AGO1: variants seen among roughly 807,000 people sequenced by gnomAD.
The protein encoded by AGO1 is protein argonaute-1.
Under a neutral mutation model 109.2 loss-of-function variants are expected in AGO1, and 11 were observed. That is an observed-to-expected ratio of 0.10 (90% CI 0.06 to 0.17). The LOEUF is 0.17. AGO1 is among the 10% of genes least tolerant of loss of function. The pLI, the probability that AGO1 is intolerant of heterozygous loss-of-function variation, is 1.00. For synonymous variants in AGO1, 422 were observed against 418.6 expected (o/e 1.01, Z -0.10); for missense variants, 574 against 1,140.3 (o/e 0.50, Z 7.15).
intron 1 of AGO1, among the ~76,000 whole-genome samples, chr1:35,887,227 G>C (rs1349274789): frequency 6.6e-6 from 1 of 152,054 alleles, no homozygotes; most frequent in Non-Finnish European, 1.5e-5. Flanking sequence ...ACCTCTTCCT[G>C]ACCCCCAGCT....
chr1:35,918,176 A>G, intron 16 of AGO1, 146 bp from the exon 17 acceptor site: 3 of 708,488 alleles, frequency 4.2e-6, no homozygotes, highest in East Asian at 2.5e-5. Flanking sequence ...CTTTAGAAGC[A>G]TATTATTTTA....
In AGO1 at chr1:35,902,311, A is replaced by G. The variant is rs919044941; in HGVS notation, c.1371A>G (p.Gln457=). Residue 457 remains glutamine, a synonymous_variant, in exon 11 of 19, where the codon CAA becomes CAG. Transcript: ENST00000373204. ...KVWAIACFAP[Q]KQCREEVLKN... ...GGGCCATCGCCTGCTTCGCACCCCA[A>G]AAACAGTGTCGAGAAGAGGTGCTCA... 1.2e-6 allele frequency: 2 copies of G among 1,614,114 alleles called. No individual in the cohort carries two copies. The highest frequency in any genetic ancestry group is 1.7e-6 in the Non-Finnish European group (2 of 1,180,020).
At position 35,901,833 on chromosome 1, in the gene AGO1, A is replaced by G; in HGVS notation, c.1141-115A>G. ...CATCTTCCACTTTCTCTCTCTTTTT[A>G]GGACTATTCCGTACCAACCCCAGCT... is the stretch of plus-strand genomic sequence containing the variant. On this transcript the variant is annotated intron_variant, in intron 9 of 18. Transcript: ENST00000373204. This position sits in a 1 kb window ranked among gnomAD's most constrained non-coding sequence, Gnocchi z 4.8. 7.0e-7 allele frequency: 1 copy of G among 1,432,304 alleles called. No individual in the cohort carries two copies. The highest frequency in any genetic ancestry group is 9.4e-7 in the Non-Finnish European group (1 of 1,059,048). 88.7% of individuals were successfully genotyped at this position (1,432,304 alleles called of 1,614,324 possible).
At chr1:35,903,409 C>T (rs954880165) in intron 11 of AGO1, among the ~76,000 whole-genome samples, 2 of 151,664 alleles carry the variant, frequency 1.3e-5, no homozygotes, top group African/African-American at 4.9e-5. Context: ...TGCCATCTTT[C>T]GAAGTGGTTG....
chr1:35,874,488 CTA>C (rs528308746), intron 1 of AGO1, among the ~76,000 whole-genome samples: 280 of 152,218 alleles, frequency 1.8e-3, no homozygotes, highest in African/African-American at 5.8e-3. Context: ...TATGTGTATT[CTA>C]AATGCTCCAT....
rs1008657978 is a variant in AGO1, at chr1:35,923,515, T to C, written c.*3908T>C. ...CATTGGGGGACGTTATTTTTATTTA[T>C]ATATGGGGCCTAGGCCAATCCAGGA... On this transcript the variant is annotated 3_prime_UTR_variant, in exon 19 of 19. Coordinates refer to ENST00000373204, the MANE Select transcript of AGO1 (RefSeq NM_012199.5). 1 of 152,684 alleles carries C rather than the reference T, an allele frequency of 6.5e-6. No individual in the cohort carries two copies. The highest frequency in any genetic ancestry group is 1.5e-5 in the Non-Finnish European group (1 of 68,040). The allele number at this position is 152,684 out of a possible 1,614,324, so 9.5% of individuals were successfully genotyped here.
Position 35,888,364 on chromosome 1 carries a change from C to A in AGO1, c.26-63C>A. On this transcript the variant is annotated intron_variant, in intron 1 of 18. Coordinates refer to ENST00000373204, the MANE Select transcript of AGO1 (RefSeq NM_012199.5). This position sits in a 1 kb window ranked among gnomAD's most constrained non-coding sequence, Gnocchi z 4.1. ...TCCTGTTCTGGGAGGCCTTGTTCCTCCTCTGATAAGAGTAGTTAGGAGATT... is the reference window on the plus strand; with the variant it reads ...TCCTGTTCTGGGAGGCCTTGTTCCTACTCTGATAAGAGTAGTTAGGAGATT... The A allele has an allele frequency of 6.4e-7, 1 of 1,555,648 alleles. No individual in the cohort carries two copies. The highest frequency in any genetic ancestry group is 8.8e-7 in the Non-Finnish European group (1 of 1,140,096).
chr1:35,915,504 T>A lies in AGO1; in HGVS notation c.1990T>A (p.Phe664Ile), dbSNP rs750985823. 1.2e-5 allele frequency: 20 copies of A among 1,614,014 alleles called. No homozygotes were observed. The South Asian group carries it at 1.6e-4, about 13-fold the overall frequency. The change falls in exon 15 of 19, where the codon TTC becomes ATC. Residue 664 changes from phenylalanine to isoleucine, a missense_variant. By Grantham distance (21) the Phe-to-Ile change is conservative. Transcript: ENST00000373204. Reference protein sequence around the residue: ...STRFKPTRIIFYRDGVPEGQL... With the variant: ...STRFKPTRIIIYRDGVPEGQL... ...CCGTTTCAAGCCTACCCGCATCATC[T>A]TCTACCGAGATGGGGTGCCTGAAGG...
chr1:35,888,515 C>T lies in AGO1; in HGVS notation c.114C>T (p.Leu38=), dbSNP rs1418697160. ...GCACTGTGGGGAAACCAATCAAGCTCCTGGCCAATTACTTTGAGGTGGACA... is the reference window on the plus strand; with the variant it reads ...GCACTGTGGGGAAACCAATCAAGCTTCTGGCCAATTACTTTGAGGTGGACA... ...GIGTVGKPIK[L]LANYFEVDIP... The change falls in exon 2 of 19, where the codon CTC becomes CTT. Residue 38 remains leucine (L), a synonymous_variant. Coordinates refer to ENST00000373204, the MANE Select transcript of AGO1 (RefSeq NM_012199.5). This position sits in a 1 kb window ranked among gnomAD's most constrained non-coding sequence, Gnocchi z 4.1. 4 of 1,614,248 alleles carry T rather than the reference C, an allele frequency of 2.5e-6. No individual in the cohort carries two copies. The African/African-American group carries it at 4.0e-5, about 16-fold the overall frequency.
chr1:35,897,956 G>A (rs1020171960), intron 8 of AGO1, among the ~76,000 whole-genome samples: 2 of 152,096 alleles, frequency 1.3e-5, no homozygotes, highest in African/African-American at 4.8e-5. Context: ...TTTACTTTCA[G>A]TCTCTGGGTA....
At chr1:35,880,186 G>A (rs1388851196), upstream of AGO1, among the ~76,000 whole-genome samples, 1 of 152,086 alleles carries the variant, frequency 6.6e-6, no homozygotes, top group Admixed American at 6.6e-5. Flanking sequence ...TGTTTTTAAG[G>A]AACTTAGATG....
In AGO1 at chr1:35,902,260, C is replaced by G. The variant is rs1369633288; in HGVS notation, c.1320C>G (p.Phe440Leu). ...TCTGGGACATGCGGGGGAAACAGTT[C>G]TACAATGGGATTGAGATCAAAGTCT... ...QGVWDMRGKQ[F>L]YNGIEIKVWA... Residue 440 changes from phenylalanine (F) to leucine (L), a missense_variant, in exon 11 of 19, where the codon TTC becomes TTG. Physicochemically the swap from Phe to Leu is conservative, Grantham distance 22 (BLOSUM62 0). Around this residue, in one of 8 missense-constraint regions of AGO1, gnomAD observed 106 missense variants for 147.8 expected, o/e 0.72. Transcript: ENST00000373204. 1.2e-6 allele frequency: 2 copies of G among 1,614,042 alleles called. No individual in the cohort carries two copies. Among genetic ancestry groups the G allele is most frequent in the Non-Finnish European group, 1.7e-6 (2 of 1,180,032 alleles).
At chr1:35,878,770 T>C (rs1053474226), upstream of AGO1, among the ~76,000 whole-genome samples, 1 of 152,254 alleles carries the variant, frequency 6.6e-6, no homozygotes, top group Non-Finnish European at 1.5e-5. Context: ...GAATTGGATA[T>C]TTTATCATAA....
intron 8 of AGO1, among the ~76,000 whole-genome samples, chr1:35,899,487 C>T (rs1163878644): frequency 1.3e-5 from 2 of 152,162 alleles, no homozygotes; most frequent in African/African-American, 4.8e-5. Flanking sequence ...TTCCCACTGG[C>T]GTTGTACAAG....
chr1:35,919,009 A>G lies in AGO1; in HGVS notation c.2266-46A>G. ...TGATCCTGTTCCCCTATTATCAGCC[A>G]TCTTCTCTGCCCAGCCTGGGACCCC... On this transcript the variant is annotated intron_variant, in intron 17 of 18. Coordinates refer to ENST00000373204, the MANE Select transcript of AGO1 (RefSeq NM_012199.5). The surrounding 1 kb of genome is among the most constrained non-coding windows in gnomAD (Gnocchi z 6.6). 6.4e-7 allele frequency: 1 copy of G among 1,563,014 alleles called. No individual in the cohort carries two copies. Among genetic ancestry groups the G allele is most frequent in the South Asian group, 1.1e-5 (1 of 89,456 alleles).
rs1255461870 is a variant in AGO1, at chr1:35,894,186, G to A, written c.784+15G>A. On this transcript the variant is annotated intron_variant, in intron 6 of 18. Transcript: ENST00000373204. ...GGAGATCAAGGGTGAGGACCCAACA[G>A]GAGGGGAAGGGAAACAGCGCCACTT... The A allele has an allele frequency of 1.3e-6, 2 of 1,567,790 alleles. No individual in the cohort carries two copies. Among genetic ancestry groups the A allele is most frequent in the East Asian group, 2.3e-5 (1 of 44,414 alleles).
Position 35,906,943 on chromosome 1 carries a change from C to T in AGO1, c.1406C>T (p.Thr469Ile). 6.2e-7 allele frequency: 1 copy of T among 1,611,442 alleles called. No homozygotes were observed. Among genetic ancestry groups the T allele is most frequent in the Non-Finnish European group, 8.5e-7 (1 of 1,178,402 alleles). ...QCREEVLKNF[T>I]DQLRKISKDA... ...ACCATGCGTGTGTACAGGAACTTCA[C>T]AGACCAGCTGCGGAAGATTTCCAAG... The change falls in exon 12 of 19, where the codon ACA becomes ATA. Residue 469 changes from threonine to isoleucine, a missense_variant. Physicochemically the swap from Thr to Ile is moderately conservative, Grantham distance 89. This residue lies in a region of AGO1 where 106 missense variants were observed against 147.8 expected (regional missense o/e 0.72). Coordinates refer to ENST00000373204, the MANE Select transcript of AGO1 (RefSeq NM_012199.5).
In AGO1 at chr1:35,883,453, G is replaced by A. The variant is rs1458276516; in HGVS notation, c.25+7G>A. On this transcript the variant is annotated splice_region_variant and intron_variant, in intron 1 of 18. Coordinates refer to ENST00000373204, the MANE Select transcript of AGO1 (RefSeq NM_012199.5). The surrounding 1 kb of genome is among the most constrained non-coding windows in gnomAD (Gnocchi z 5.4). ...GCGGGACCCTCGGGAGCAGGTAAGG[G>A]TCCCCAGGAGGGGGAACGGTGCATG... 6 of 1,556,430 alleles carry A rather than the reference G, an allele frequency of 3.9e-6. No homozygotes were observed. In the African/African-American group the frequency reaches 5.7e-5, roughly 15 times the overall value.
rs1445082657 is a variant in AGO1 at position 35,893,019 on chromosome 1, T to G, written c.331-78T>G. 1 of 1,385,116 alleles carries G rather than the reference T, an allele frequency of 7.2e-7. No individual in the cohort carries two copies. Among genetic ancestry groups the G allele is most frequent in the Non-Finnish European group, 9.9e-7 (1 of 1,012,132 alleles). The allele number at this position is 1,385,116 out of a possible 1,614,324, so 85.8% of individuals were successfully genotyped here. ...CCCTATCAACTTGAAAAACATGTTCTCAGCAAATCCATGGAGTTGGGGGTC... is the reference window on the plus strand; with the variant it reads ...CCCTATCAACTTGAAAAACATGTTCGCAGCAAATCCATGGAGTTGGGGGTC... On this transcript the variant is annotated intron_variant, in intron 3 of 18. Coordinates refer to ENST00000373204, the MANE Select transcript of AGO1 (RefSeq NM_012199.5). The surrounding 1 kb of genome is among the most constrained non-coding windows in gnomAD (Gnocchi z 5.6).
Sources: gnomAD v4.1 joint callset for allele counts (sites outside exome capture counted in the v4.1 genomes callset) on GRCh38, gnomAD v4.1.1 for gene constraint, gnomAD v4.1.1 regional missense constraint, Gnocchi (gnomAD v3.1) non-coding constraint, MANE v1.5 for transcripts, NCBI Gene and HGNC (gene_info 2026-07-23, HGNC 2026-07-21) for gene names.